The following DCC variants were observed in gnomAD, a reference collection of about 807,000 sequenced individuals.
DCC encodes DCC netrin 1 receptor.
DCC carries 58 observed loss-of-function variants against 172.5 expected under a neutral mutation model. That is an observed-to-expected ratio of 0.34 (90% CI 0.27 to 0.42). The LOEUF is 0.42. DCC is among the 10% of genes least tolerant of loss of function. The probability of loss-of-function intolerance (pLI) is 1.00; values close to 1 mark genes in which losing one functional copy is unlikely to be tolerated. For missense variants in DCC, 1,740 were observed against 1,791.0 expected, an observed-to-expected ratio of 0.97 and a Z score of 0.51; for synonymous variants, 709 against 644.5, an observed-to-expected ratio of 1.10 and a Z score of -1.52.
intron 9 of DCC, among the ~76,000 whole-genome samples, chr18:53,184,241 A>G (rs1465543182): frequency 1.3e-5 from 2 of 152,096 alleles, no homozygotes; most frequent in Non-Finnish European, 2.9e-5. Flanking sequence ...GCAGGCTGTT[A>G]TAGATTGCCT....
chr18:52,636,079 T>C (rs1163988758), intron 1 of DCC, among the ~76,000 whole-genome samples: 1 of 152,100 alleles, frequency 6.6e-6, no homozygotes, highest in Non-Finnish European at 1.5e-5. Context: ...CCCCCCTAAC[T>C]GGAGAAGCTG....
intron 12 of DCC, among the ~76,000 whole-genome samples, chr18:53,252,863 A>G (rs1280475922): frequency 6.6e-6 from 1 of 152,034 alleles, no homozygotes. Flanking sequence ...TTGCATTTGT[A>G]TAATATATTT....
intron 2 of DCC, among the ~76,000 whole-genome samples, chr18:52,838,049 C>A (rs1365338241): frequency 6.6e-6 from 1 of 152,088 alleles, no homozygotes; most frequent in Non-Finnish European, 1.5e-5. Flanking sequence ...GGGAAACCAC[C>A]CCCATGATTC....
intron 1 of DCC, among the ~76,000 whole-genome samples, chr18:52,410,003 C>G (rs1986790561): frequency 6.6e-6 from 1 of 152,134 alleles, no homozygotes; most frequent in South Asian, 2.1e-4. Context: ...ACCACAGCAG[C>G]ATCACCAGGA....
intron 1 of DCC, among the ~76,000 whole-genome samples, chr18:52,446,414 C>T (rs902723440): frequency 1.3e-5 from 2 of 152,220 alleles, no homozygotes; most frequent in Non-Finnish European, 2.9e-5. Context: ...ATAGAAGTAT[C>T]GCCATCTTTC....
intron 1 of DCC, among the ~76,000 whole-genome samples, chr18:52,737,600 C>T (rs950813927): frequency 2.6e-5 from 4 of 151,902 alleles, no homozygotes; most frequent in Admixed American, 6.6e-5. Flanking sequence ...ATAGGTACAG[C>T]GGGGAGTAGT....
intron 12 of DCC, among the ~76,000 whole-genome samples, chr18:53,277,598 T>G (rs2056820770): frequency 6.6e-6 from 1 of 152,142 alleles, no homozygotes; most frequent in Admixed American, 6.6e-5. Flanking sequence ...CTTTTGCAGT[T>G]TTGATAATAC....
chr18:52,804,439 T>C (rs900461253), intron 2 of DCC, among the ~76,000 whole-genome samples: 1 of 152,242 alleles, frequency 6.6e-6, no homozygotes, highest in Non-Finnish European at 1.5e-5. Context: ...ATCTACATTG[T>C]ATCGTTGAAT....
intron 1 of DCC, among the ~76,000 whole-genome samples, chr18:52,702,927 T>C (rs2036149165): frequency 6.6e-6 from 1 of 152,170 alleles, no homozygotes; most frequent in Non-Finnish European, 1.5e-5. Context: ...ATAACAACTC[T>C]TATAAGATTT....
At chr18:52,498,623 C>CA (rs1193331805) in intron 1 of DCC, among the ~76,000 whole-genome samples, 21 of 151,114 alleles carry the variant, frequency 1.4e-4, no homozygotes, top group Non-Finnish European at 2.4e-4. Context: ...GACTCTGTCT[C>CA]AAAAAAACAA....
intron 1 of DCC, among the ~76,000 whole-genome samples, chr18:52,503,988 AAAACAC>A (rs1275374775): frequency 2.0e-5 from 3 of 152,140 alleles, no homozygotes; most frequent in Non-Finnish European, 4.4e-5. Context: ...AAGCAGAATA[AAAACAC>A]CCTCTACTCT....
intron 8 of DCC, among the ~76,000 whole-genome samples, chr18:53,163,262 A>AT (rs5824993): frequency 0.31 from 47,050 of 152,110 alleles, 9,130 homozygotes; most frequent in East Asian, 0.59. Context: ...TTCTCGATAG[A>AT]TTTTTTTCTT....
At chr18:52,848,209 C>G (rs112909188) in intron 2 of DCC, among the ~76,000 whole-genome samples, 1 of 151,694 alleles carries the variant, frequency 6.6e-6, no homozygotes, top group Non-Finnish European at 1.5e-5. Context: ...CCCCAGCCTC[C>G]GGAGTGCTGA....
intron 5 of DCC, among the ~76,000 whole-genome samples, chr18:53,025,324 A>G (rs1313344152): frequency 1.3e-5 from 2 of 152,178 alleles, no homozygotes; most frequent in Non-Finnish European, 2.9e-5. Flanking sequence ...TAAGGAAAAT[A>G]TTAAGGACTG....
chr18:53,201,267 T>C (rs1033747410), intron 9 of DCC, among the ~76,000 whole-genome samples: 12 of 152,006 alleles, frequency 7.9e-5, no homozygotes, highest in African/African-American at 2.9e-4. Context: ...AAAATCCAAA[T>C]CTCTGCTCCC....
chr18:53,191,932 A>G (rs1214542595), intron 9 of DCC, among the ~76,000 whole-genome samples: 2 of 152,174 alleles, frequency 1.3e-5, no homozygotes, highest in Admixed American at 6.5e-5. Context: ...AGTTTTACCT[A>G]AAGTCATTCT....
chr18:52,988,939 C>T (rs1339890937), intron 5 of DCC, among the ~76,000 whole-genome samples: 10 of 151,410 alleles, frequency 6.6e-5, no homozygotes, highest in African/African-American at 1.7e-4. Flanking sequence ...AAAATCCAAG[C>T]GATATCCCTT....
At chr18:53,168,494 T>G (rs1025250969) in intron 8 of DCC, among the ~76,000 whole-genome samples, 10 of 144,010 alleles carry the variant, frequency 6.9e-5, no homozygotes, top group African/African-American at 2.6e-4. Context: ...ATGTTCTTAC[T>G]TACAACTGGG....
At chr18:52,353,745 A>G (rs1165349759) in intron 1 of DCC, among the ~76,000 whole-genome samples, 3 of 152,174 alleles carry the variant, frequency 2.0e-5, no homozygotes, top group Non-Finnish European at 4.4e-5. Context: ...CGAAGAGAAC[A>G]TGGGGTCTCA....
Sources: gnomAD v4.1 joint callset for allele counts (sites outside exome capture counted in the v4.1 genomes callset) on GRCh38, gnomAD v4.1.1 for gene constraint, MANE v1.5 for transcripts, NCBI Gene and HGNC (gene_info 2026-07-23, HGNC 2026-07-21) for gene names.